Variants in FBXL17 observed in about 807,000 individuals in gnomAD.
The protein encoded by FBXL17 is F-box/LRR-repeat protein 17.
FBXL17 carries 22 observed loss-of-function variants against 66.2 expected under a neutral mutation model. That is an observed-to-expected ratio of 0.33 (90% CI 0.24 to 0.47). FBXL17 has a LOEUF of 0.47. Ranked by LOEUF, FBXL17 falls within the 20% of genes least tolerant of loss-of-function variation. The pLI is 1.00. For missense variants in FBXL17, 878 were observed against 948.2 expected, an observed-to-expected ratio of 0.93 and a Z score of 0.97; for synonymous variants, 474 against 400.5, an observed-to-expected ratio of 1.18 and a Z score of -2.19.
chr5:108,275,590 C>T (rs1487504838), intron 4 of FBXL17, among the ~76,000 whole-genome samples: 2 of 152,144 alleles, frequency 1.3e-5, no homozygotes, highest in Non-Finnish European at 1.5e-5. Flanking sequence ...TGAAGTGCTA[C>T]CTGTGTCAAG....
At chr5:108,286,626 C>T (rs1757911396) in intron 4 of FBXL17, among the ~76,000 whole-genome samples, 1 of 151,900 alleles carries the variant, frequency 6.6e-6, no homozygotes, top group African/African-American at 2.4e-5. Flanking sequence ...CAAAACACTG[C>T]TCAAAGAAAT....
intron 7 of FBXL17, among the ~76,000 whole-genome samples, chr5:107,971,139 G>C (rs1211789612): frequency 4.6e-5 from 7 of 152,128 alleles, no homozygotes; most frequent in African/African-American, 1.7e-4. Context: ...TTTGCTTACC[G>C]TTTCTTTCTG....
At chr5:108,346,701 C>T (rs1229834063) in intron 4 of FBXL17, among the ~76,000 whole-genome samples, 3 of 152,048 alleles carry the variant, frequency 2.0e-5, no homozygotes, top group South Asian at 2.1e-4. Context: ...AGTCAGACTT[C>T]GTACTAGACA....
At chr5:107,928,416 CTTTG>C (rs2112570941) in intron 7 of FBXL17, among the ~76,000 whole-genome samples, 1 of 144,836 alleles carries the variant, frequency 6.9e-6, no homozygotes, top group South Asian at 2.2e-4. Context: ...AAGCTACATA[CTTTG>C]TTTTTTTTTT....
At chr5:108,259,992 C>A (rs1580705064) in intron 4 of FBXL17, among the ~76,000 whole-genome samples, 1 of 149,230 alleles carries the variant, frequency 6.7e-6, no homozygotes, top group East Asian at 2.0e-4. Flanking sequence ...GAGAAACTAG[C>A]TTAGTGAGAG....
intron 4 of FBXL17, among the ~76,000 whole-genome samples, chr5:108,339,807 T>A (rs947327765): frequency 1.1e-4 from 16 of 152,326 alleles, no homozygotes; most frequent in African/African-American, 3.1e-4. Context: ...GATATCCTTA[T>A]CGGAGTTTTT....
intron 7 of FBXL17, among the ~76,000 whole-genome samples, chr5:107,949,001 A>G (rs190496142): frequency 9.5e-4 from 144 of 152,288 alleles, no homozygotes; most frequent in Non-Finnish European, 1.8e-4. Context: ...TCTCATCACT[A>G]TATCAACAAG....
intron 7 of FBXL17, among the ~76,000 whole-genome samples, chr5:108,017,553 A>G (rs975879642): frequency 5.3e-5 from 8 of 152,222 alleles, no homozygotes; most frequent in Admixed American, 4.6e-4. Flanking sequence ...TGTGGCATGT[A>G]TCATCACGTG....
chr5:108,309,994 T>C (rs2150196086), intron 4 of FBXL17, among the ~76,000 whole-genome samples: 1 of 152,290 alleles, frequency 6.6e-6, no homozygotes, highest in South Asian at 2.1e-4. Flanking sequence ...CAAAAGTTCC[T>C]CTGAAATTGA....
At chr5:108,253,026 AG>A (rs887251413) in intron 4 of FBXL17, among the ~76,000 whole-genome samples, 3 of 152,156 alleles carry the variant, frequency 2.0e-5, no homozygotes, top group African/African-American at 7.2e-5. Flanking sequence ...GAGATTCCAA[AG>A]AACTGCAATA....
At chr5:108,022,924 C>T (rs1251004914) in intron 6 of FBXL17, among the ~76,000 whole-genome samples, 1 of 152,012 alleles carries the variant, frequency 6.6e-6, no homozygotes, top group Non-Finnish European at 1.5e-5. Context: ...GGTTTCCCCG[C>T]TATTCACAGA....
chr5:107,891,985 A>T (rs1749210912), intron 7 of FBXL17, among the ~76,000 whole-genome samples: 1 of 152,164 alleles, frequency 6.6e-6, no homozygotes, highest in African/African-American at 2.4e-5. Context: ...CCTACAGAAC[A>T]TCGTAACTTA....
chr5:108,069,421 G>T (rs1242937814), intron 6 of FBXL17, among the ~76,000 whole-genome samples: 1 of 152,192 alleles, frequency 6.6e-6, no homozygotes, highest in Non-Finnish European at 1.5e-5. Context: ...GAATATGAGT[G>T]CTATCTATGT....
At chr5:108,315,587 TTTA>T (rs929503391) in intron 4 of FBXL17, among the ~76,000 whole-genome samples, 5 of 151,106 alleles carry the variant, frequency 3.3e-5, no homozygotes, top group African/African-American at 1.2e-4. Flanking sequence ...ACCAAGAGAA[TTTA>T]TTCTCTTCCA....
intron 7 of FBXL17, among the ~76,000 whole-genome samples, chr5:107,937,291 C>T (rs996091157): frequency 6.6e-6 from 1 of 152,048 alleles, no homozygotes; most frequent in Non-Finnish European, 1.5e-5. Flanking sequence ...TGCAAATCAG[C>T]CCGATCTTAT....
chr5:108,155,701 A>G (rs1475913451), intron 6 of FBXL17, among the ~76,000 whole-genome samples: 1 of 152,166 alleles, frequency 6.6e-6, no homozygotes, highest in Non-Finnish European at 1.5e-5. Flanking sequence ...TCTAGCTCCT[A>G]GTCCATAAAC....
At chr5:107,868,552 C>T (rs1402453658) in intron 8 of FBXL17, among the ~76,000 whole-genome samples, 2 of 152,174 alleles carry the variant, frequency 1.3e-5, no homozygotes, top group East Asian at 1.9e-4. Flanking sequence ...CTTCCTTTCC[C>T]GTCTCTCACC....
At chr5:108,365,162 T>TATA (rs1748583171) in intron 2 of FBXL17, among the ~76,000 whole-genome samples, 167 bp from the exon 3 acceptor site, 1 of 152,096 alleles carries the variant, frequency 6.6e-6, no homozygotes, top group African/African-American at 2.4e-5. Context: ...AAGAATTTGG[T>TATA]ATAATAATAA....
At chr5:107,869,591 G>A (rs1248201460) in intron 8 of FBXL17, among the ~76,000 whole-genome samples, 2 of 152,142 alleles carry the variant, frequency 1.3e-5, no homozygotes, top group African/African-American at 4.8e-5. Context: ...GACAACATGT[G>A]CCTGCTCTCT....
Sources: allele counts gnomAD v4.1 joint callset (sites outside exome capture counted in the v4.1 genomes callset), GRCh38; gene constraint gnomAD v4.1.1; transcripts MANE v1.5; gene names NCBI Gene and HGNC (gene_info 2026-07-23, HGNC 2026-07-21).